Variants in TRIM2 observed in about 807,000 individuals in gnomAD.
The protein encoded by TRIM2 is tripartite motif containing 2, also known as tripartite motif-containing protein 2.
A neutral mutation model predicts 75.2 loss-of-function variants in TRIM2; 20 were observed. The observed-to-expected ratio is 0.27, with a 90% CI of 0.19 to 0.39. The LOEUF is 0.39. Ranked by LOEUF, TRIM2 falls within the 10% of genes least tolerant of loss-of-function variation. The pLI is 1.00. For synonymous variants in TRIM2, 373 were observed against 388.3 expected (o/e 0.96, Z 0.46); for missense variants, 660 against 990.8 (o/e 0.67, Z 4.48).
intron 1 of TRIM2, among the ~76,000 whole-genome samples, chr4:153,265,447 CA>C (rs1250604292): frequency 6.6e-6 from 1 of 151,786 alleles, no homozygotes; most frequent in Non-Finnish European, 1.5e-5. Flanking sequence ...GGATTCACAC[CA>C]TTCTCCTGCC....
Position 153,181,926 on chromosome 4 carries a change from A to G in TRIM2, c.-49+28656A>G, listed in dbSNP as rs534859261. Among the ~76,000 whole-genome samples, 8 of 152,308 alleles carry G rather than the reference A, an allele frequency of 5.3e-5. No individual in the cohort carries two copies. The East Asian group carries it at 1.4e-3, about 26-fold the overall frequency. ...TACCCTGAGGGCCTGGCAATGGAAC[A>G]CTTTGCTTTTAGAAATGGGTGTGTT... On this transcript the variant is annotated intron_variant, in intron 1 of 11. Transcript: ENST00000437508.
Position 153,244,144 on chromosome 4 carries a change from G to C in TRIM2, c.31-26191G>C, listed in dbSNP as rs552373758. Reference sequence around the variant, plus strand: ...CCATCTTCTTCTTCTTCTTCTTCTTGTTCTTCTTGTTCTTCTTCTTCTTCT... The same window carrying C: ...CCATCTTCTTCTTCTTCTTCTTCTTCTTCTTCTTGTTCTTCTTCTTCTTCT... On this transcript the variant is annotated intron_variant, in intron 1 of 11. Coordinates refer to ENST00000338700, the MANE Select transcript of TRIM2 (RefSeq NM_015271.5). Among the ~76,000 whole-genome samples the C allele has an allele frequency of 8.3e-3, 1,083 of 129,852 alleles. 17 individuals carry two copies. The highest frequency in any genetic ancestry group is 0.026 in the African/African-American group (821 of 31,922). The allele number at this position is 129,852 out of a possible 152,430, so 85.2% of individuals were successfully genotyped here.
At chr4:153,174,153 C>T (rs1003828675) in intron 1 of TRIM2, among the ~76,000 whole-genome samples, 1 of 47,254 alleles carries the variant, frequency 2.1e-5, no homozygotes, top group Non-Finnish European at 4.3e-5. Flanking sequence ...CTTGCATTGC[C>T]TATGGGTTTT....
intron 1 of TRIM2, among the ~76,000 whole-genome samples, chr4:153,259,317 A>G (rs900574023): frequency 6.6e-6 from 1 of 152,162 alleles, no homozygotes; most frequent in African/African-American, 2.4e-5. Flanking sequence ...TCTTTGTCTT[A>G]CTAAGAAATG....
intron 1 of TRIM2, among the ~76,000 whole-genome samples, chr4:153,196,865 G>A (rs1483127391): frequency 1.3e-5 from 2 of 152,200 alleles, no homozygotes; most frequent in Non-Finnish European, 2.9e-5. Context: ...TACCTCAATG[G>A]TTGGAGATGA....
intron 3 of TRIM2, 72 bp downstream of exon 3, chr4:153,276,202 C>A: frequency 1.6e-6 from 2 of 1,238,264 alleles, no homozygotes; most frequent in African/African-American, 1.5e-5. Flanking sequence ...TTGGGTACAT[C>A]AGAGATTACA....
chr4:153,189,357 T>C (rs1304336846), intron 1 of TRIM2, among the ~76,000 whole-genome samples: 2 of 152,212 alleles, frequency 1.3e-5, no homozygotes, highest in Admixed American at 1.3e-4. Flanking sequence ...CAAAACGTAT[T>C]GAACTGTCTC....
chr4:153,235,096 G>A (rs1744676547), intron 1 of TRIM2, among the ~76,000 whole-genome samples: 1 of 151,712 alleles, frequency 6.6e-6, no homozygotes, highest in African/African-American at 2.4e-5. Context: ...CTTTTTTGTT[G>A]TATGACTCAC....
intron 1 of TRIM2, among the ~76,000 whole-genome samples, chr4:153,233,719 G>T (rs540042510): frequency 6.6e-6 from 1 of 152,212 alleles, no homozygotes; most frequent in African/African-American, 2.4e-5. Flanking sequence ...TTGGTGGGAA[G>T]GAACATTTCC....
chr4:153,327,877 A>G (rs1770591789), intron 10 of TRIM2, among the ~76,000 whole-genome samples: 1 of 152,356 alleles, frequency 6.6e-6, no homozygotes, highest in East Asian at 1.9e-4. Context: ...AACTACTTTT[A>G]TATTCATCAA....
intron 4 of TRIM2, among the ~76,000 whole-genome samples, chr4:153,293,985 C>T (rs1762313710): frequency 1.3e-5 from 2 of 152,132 alleles, no homozygotes; most frequent in South Asian, 2.1e-4. Context: ...TCATACAATG[C>T]ACCAGACGGC....
Position 153,302,926 on chromosome 4 carries a change from A to G in TRIM2, c.1510+6890A>G, listed in dbSNP as rs116569584. ...AATGCTTTGCATAAGTACTTTGCCC[A>G]TTTGAATAGGATAAGTTGTGAACTA... On this transcript the variant is annotated intron_variant, in intron 6 of 11. Coordinates refer to ENST00000338700, the MANE Select transcript of TRIM2 (RefSeq NM_015271.5). Among the ~76,000 whole-genome samples the G allele has an allele frequency of 6.7e-3, 1,028 of 152,322 alleles. 12 individuals carry two copies. Among genetic ancestry groups the G allele is most frequent in the African/African-American group, 0.023 (969 of 41,566 alleles).
rs1037240411 is a variant in TRIM2 at position 153,336,459 on chromosome 4, G to A, written c.*1493G>A. On this transcript the variant is annotated 3_prime_UTR_variant, in exon 12 of 12. Coordinates refer to ENST00000338700, the MANE Select transcript of TRIM2 (RefSeq NM_015271.5). ...TAAATATAAATGCATTTTGAGAAAT[G>A]TTAAGAACAATTTAGTCAATCGTTC... 60 of 985,402 alleles carry A rather than the reference G, an allele frequency of 6.1e-5. No homozygotes were observed. Among genetic ancestry groups the A allele is most frequent in the Admixed American group, 1.2e-4 (2 of 16,232 alleles). 61.0% of individuals were successfully genotyped at this position (985,402 alleles called of 1,614,324 possible). A position where few individuals can be genotyped will look rare whatever the true frequency, so the allele number is the denominator to read the frequency against.
intron 1 of TRIM2, among the ~76,000 whole-genome samples, chr4:153,163,102 T>C (rs1338200828): frequency 6.6e-6 from 1 of 152,246 alleles, no homozygotes. Context: ...GTTGATTTAA[T>C]GCAACTCAGT....
chr4:153,194,620 G>A (rs1733579002), intron 1 of TRIM2, among the ~76,000 whole-genome samples: 2 of 152,080 alleles, frequency 1.3e-5, no homozygotes, highest in Admixed American at 1.3e-4. Context: ...ATTACAAAGG[G>A]GTCCAAGGAA....
chr4:153,203,268 G>A (rs1734630098), upstream of TRIM2, among the ~76,000 whole-genome samples: 1 of 152,038 alleles, frequency 6.6e-6, no homozygotes, highest in South Asian at 2.1e-4. Flanking sequence ...TGTAATCCCA[G>A]CTACTAGGGA....
At chr4:153,244,775 G>T (rs79186511) in intron 1 of TRIM2, among the ~76,000 whole-genome samples, 3,470 of 152,212 alleles carry the variant, frequency 0.023, 102 homozygotes, top group East Asian at 0.08. Context: ...GCAGGAGAAA[G>T]TAAAACATAA....
In TRIM2 at chr4:153,279,864, A is replaced by G. The variant is rs529373678; in HGVS notation, c.453+3734A>G. On this transcript the variant is annotated intron_variant, in intron 3 of 11. Coordinates refer to ENST00000338700, the MANE Select transcript of TRIM2 (RefSeq NM_015271.5). ...AGGCTGAGGCAGGAGAATTATTTGA[A>G]CCTGGGAAGCAGAGATTGCAATGAG... Among the ~76,000 whole-genome samples, 48 of 151,832 alleles carry G rather than the reference A, an allele frequency of 3.2e-4. 1 individual carries two copies. Among genetic ancestry groups the G allele is most frequent in the African/African-American group, 1.2e-3 (48 of 41,386 alleles).
At position 153,335,449 on chromosome 4, in the gene TRIM2, AT is replaced by A. The variant is rs1484185130; in HGVS notation, c.*490del. 3.0e-6 allele frequency: 3 copies of A among 985,494 alleles called. No homozygotes were observed. Among genetic ancestry groups the A allele is most frequent in the African/African-American group, 1.7e-5 (1 of 57,368 alleles). The allele number at this position is 985,494 out of a possible 1,614,324, so 61.0% of individuals were successfully genotyped here. A position where few individuals can be genotyped will look rare whatever the true frequency, so the allele number is the denominator to read the frequency against. ...TTACAGTAGGTATTACTCTTGTGACATTTTTTTGGTTATCAACAACTAAATA... is the reference window on the plus strand; with the variant it reads ...TTACAGTAGGTATTACTCTTGTGACATTTTTTGGTTATCAACAACTAAATA... On this transcript the variant is annotated 3_prime_UTR_variant, in exon 12 of 12. Coordinates refer to ENST00000338700, the MANE Select transcript of TRIM2 (RefSeq NM_015271.5).
Sources: allele counts gnomAD v4.1 joint callset (sites outside exome capture counted in the v4.1 genomes callset), GRCh38; gene constraint gnomAD v4.1.1; transcripts MANE v1.5; gene names NCBI Gene and HGNC (gene_info 2026-07-23, HGNC 2026-07-21).